The following OC90 variants were observed in gnomAD, a reference collection of about 807,000 sequenced individuals.
OC90 encodes the protein otoconin 90, also known as otoconin-90.
OC90 carries 46 observed loss-of-function variants against 47.3 expected under a neutral mutation model. The ratio of observed to expected loss-of-function variants is 0.97; its 90% CI spans 0.77 to 1.24. OC90 has a LOEUF of 1.24. OC90 is among the 50% of genes most tolerant of loss of function. OC90 has a pLI of 0.00. For missense variants in OC90, 688 were observed against 583.9 expected (o/e 1.18, Z -1.84); for synonymous variants, 271 against 219.5 (o/e 1.23, Z -2.07).
At chr8:132,042,263 G>A (rs931294440) in intron 4 of OC90, among the ~76,000 whole-genome samples, 2 of 152,312 alleles carry the variant, frequency 1.3e-5, no homozygotes, top group East Asian at 3.9e-4. Flanking sequence ...TAGCAGTGGA[G>A]CAAGATAGAC....
chr8:132,036,136 G>A (rs907376819), intron 9 of OC90, among the ~76,000 whole-genome samples: 1 of 152,186 alleles, frequency 6.6e-6, no homozygotes, highest in Admixed American at 6.5e-5. Flanking sequence ...GAAAGAAATA[G>A]TCTTACAGCC....
chr8:132,053,982 A>C, intron 2 of OC90, among the ~76,000 whole-genome samples: 1 of 151,876 alleles, frequency 6.6e-6, no homozygotes, highest in Admixed American at 6.6e-5. Flanking sequence ...ATGCACAGAG[A>C]CCCTCCTCAT....
At chr8:132,028,822 AAAG>A (rs1192470909) in intron 13 of OC90, among the ~76,000 whole-genome samples, 1 of 142,102 alleles carries the variant, frequency 7.0e-6, no homozygotes, top group African/African-American at 2.6e-5. Flanking sequence ...AAAGAAAGAA[AAAG>A]AAAGAAAGAA....
At chr8:132,046,084 A>T (rs938392574) in intron 2 of OC90, among the ~76,000 whole-genome samples, 2 of 152,110 alleles carry the variant, frequency 1.3e-5, no homozygotes, top group African/African-American at 4.8e-5. Context: ...GGTAACCCTG[A>T]TGTCTTATAC....
chr8:132,043,491 C>T (rs1031608691), intron 4 of OC90, among the ~76,000 whole-genome samples: 3 of 152,318 alleles, frequency 2.0e-5, no homozygotes, highest in South Asian at 2.1e-4. Flanking sequence ...CTCTAAATCT[C>T]GCATTCTCCT....
chr8:132,038,104 G>T (rs192375634), intron 8 of OC90, among the ~76,000 whole-genome samples: 2 of 152,248 alleles, frequency 1.3e-5, no homozygotes, highest in African/African-American at 4.8e-5. Flanking sequence ...ATCCCCAGAT[G>T]CCTAAAGGTG....
At position 132,032,071 on chromosome 8, in the gene OC90, G is replaced by T. The variant is rs371673384; in HGVS notation, c.860-19C>A. The T allele has an allele frequency of 1.1e-4, 185 of 1,611,244 alleles. No homozygotes were observed. Among genetic ancestry groups the T allele is most frequent in the Non-Finnish European group, 1.5e-4 (175 of 1,178,248 alleles). On this transcript the variant is annotated intron_variant, in intron 11 of 13. Coordinates refer to ENST00000254627, the MANE Select transcript of OC90 (RefSeq NM_001080399.3). ...TCACAGGCTGAAAGGAACAGGAATTGTCAGGAGAGCAAGGACTGTCGGGGC... is the reference window on the plus strand; with the variant it reads ...TCACAGGCTGAAAGGAACAGGAATTTTCAGGAGAGCAAGGACTGTCGGGGC...
intron 2 of OC90, among the ~76,000 whole-genome samples, chr8:132,052,162 C>T (rs1823220388): frequency 2.0e-5 from 3 of 152,054 alleles, no homozygotes; most frequent in Admixed American, 2.0e-4. Flanking sequence ...GGAATGGTTC[C>T]CATGAACAGG....
chr8:132,051,806 A>C (rs764058602), intron 2 of OC90, among the ~76,000 whole-genome samples: 5 of 152,316 alleles, frequency 3.3e-5, no homozygotes, highest in Middle Eastern at 3.4e-3. Context: ...GGGACTGTGG[A>C]GAACCAGAGA....
Position 132,024,794 on chromosome 8 carries a change from G to A in OC90, c.1139-18C>T. ...GCCCCCACCTTAGAAGGAAAGAGCAGAGTAGAAGCCATGAGACCTCTGAGG... is the reference window on the plus strand; with the variant it reads ...GCCCCCACCTTAGAAGGAAAGAGCAAAGTAGAAGCCATGAGACCTCTGAGG... On this transcript the variant is annotated intron_variant, in intron 13 of 13. Coordinates refer to ENST00000254627, the MANE Select transcript of OC90 (RefSeq NM_001080399.3). 6.3e-7 allele frequency: 1 copy of A among 1,597,846 alleles called. No individual in the cohort carries two copies. Among genetic ancestry groups the A allele is most frequent in the Non-Finnish European group, 8.5e-7 (1 of 1,170,990 alleles).
chr8:132,041,566 G>A lies in OC90; in HGVS notation c.303C>T (p.Cys101=). The A allele has an allele frequency of 6.2e-7, 1 of 1,613,060 alleles. No homozygotes were observed. The highest frequency in any genetic ancestry group is 8.5e-7 in the Non-Finnish European group (1 of 1,179,576). The change falls in exon 5 of 14, where the codon TGC becomes TGT. Residue 101 remains cysteine (C), a synonymous_variant. Transcript: ENST00000254627. ...CAGGCAACCCTTCCATCTCAAACCT[G>A]CAGGTGCAACCATAGTCTTCAAAGT... ...PRDFEDYGCT[C]RFEMEGLPVD...
At position 132,041,689 on chromosome 8, in the gene OC90, GCCCAGGCAATCTGT is replaced by G; in HGVS notation, c.170-4_179del. The G allele has an allele frequency of 3.2e-6, 5 of 1,579,988 alleles. No homozygotes were observed. The highest frequency in any genetic ancestry group is 3.5e-5 in the Admixed American group (2 of 56,394). ...CAGCCTGCAGCCAGGTGAAGTGGGG[GCCCAGGCAATCTGT>G]GGGGGTGGGGGGCAGGGCCTGATAA... On this transcript the variant is annotated splice_acceptor_variant and splice_polypyrimidine_tract_variant and coding_sequence_variant and intron_variant, in exon 5 of 14. Coordinates refer to ENST00000254627, the MANE Select transcript of OC90 (RefSeq NM_001080399.3). LOFTEE classifies it high-confidence loss of function.
intron 9 of OC90, among the ~76,000 whole-genome samples, chr8:132,035,344 C>T (rs1296359903): frequency 6.6e-6 from 1 of 152,106 alleles, no homozygotes; most frequent in East Asian, 1.9e-4. Context: ...ATTAACTTAC[C>T]ACAGCCCCTT....
At chr8:132,027,121 G>A (rs1227363945) in intron 13 of OC90, among the ~76,000 whole-genome samples, 1 of 152,128 alleles carries the variant, frequency 6.6e-6, no homozygotes, top group African/African-American at 2.4e-5. Context: ...CTGCCATACT[G>A]TAGACTCAAG....
intron 3 of OC90, 126 bp from the exon 4 acceptor site, chr8:132,044,615 C>T: frequency 3.2e-6 from 2 of 632,904 alleles, no homozygotes; most frequent in South Asian, 1.9e-5. Context: ...TGACCTTGGG[C>T]TAAGCTAGCT....
chr8:132,048,778 A>G (rs1563733973), intron 2 of OC90, among the ~76,000 whole-genome samples: 1 of 151,638 alleles, frequency 6.6e-6, no homozygotes, highest in African/African-American at 2.4e-5. Flanking sequence ...TGCCACGGCC[A>G]CAGAGCACAG....
At chr8:132,030,619 G>C (rs567892681) in intron 12 of OC90, among the ~76,000 whole-genome samples, 1 of 152,214 alleles carries the variant, frequency 6.6e-6, no homozygotes, top group Non-Finnish European at 1.5e-5. Context: ...ATGGAGAGCA[G>C]CAGGCATGCG....
At chr8:132,046,589 GGACAAATATAT>G (rs1823136813) in intron 2 of OC90, among the ~76,000 whole-genome samples, 1 of 152,156 alleles carries the variant, frequency 6.6e-6, no homozygotes, top group Non-Finnish European at 1.5e-5. Flanking sequence ...TGGGCTAATG[GGACAAATATAT>G]GGGAGTTGGA....
intron 13 of OC90, 127 bp from the exon 14 acceptor site, chr8:132,024,903 A>T: frequency 1.4e-6 from 1 of 716,600 alleles, no homozygotes; most frequent in African/African-American, 1.8e-5. Context: ...CAGGGTATCC[A>T]CCTTATATGG....
Sources: allele counts gnomAD v4.1 joint callset (sites outside exome capture counted in the v4.1 genomes callset), GRCh38; gene constraint gnomAD v4.1.1; transcripts MANE v1.5; gene names NCBI Gene and HGNC (gene_info 2026-07-23, HGNC 2026-07-21).